Variants in OPCML observed in about 807,000 individuals in gnomAD.
The protein encoded by OPCML is opioid binding protein/cell adhesion molecule like.
In OPCML, 13 loss-of-function variants were observed where a neutral mutation model predicts 37.8. The ratio of observed to expected loss-of-function variants is 0.34; its 90% CI spans 0.22 to 0.55. The LOEUF is 0.55. OPCML is among the 20% of genes least tolerant of loss of function. The pLI, the probability that OPCML is intolerant of heterozygous loss-of-function variation, is 0.91. For missense variants in OPCML, 341 were observed against 435.6 expected (o/e 0.78, Z 1.93); for synonymous variants, 176 against 168.8 (o/e 1.04, Z -0.33).
At chr11:133,275,178 T>G (rs1941957576) in intron 1 of OPCML, among the ~76,000 whole-genome samples, 1 of 152,122 alleles carries the variant, frequency 6.6e-6, no homozygotes, top group Non-Finnish European at 1.5e-5. Context: ...CCTACCTGGG[T>G]TGAGCCAACT....
rs1014466945 is a variant in OPCML, at chr11:133,234,167, C to T, written c.62-291157G>A. 2.6e-5 allele frequency among the ~76,000 whole-genome samples: 4 copies of T among 152,106 alleles called. No homozygotes were observed. In the South Asian group the frequency reaches 6.2e-4, roughly 24 times the overall value. The stretch of plus-strand genomic sequence containing the variant: ...CCATATTGATGGAAACTTATAATTG[C>T]TTCCCAAATCCTACTCTTCCAGATC... On this transcript the variant is annotated intron_variant, in intron 1 of 7. Transcript: ENST00000524381.
At chr11:132,983,490 C>T (rs1946630669) in intron 1 of OPCML, among the ~76,000 whole-genome samples, 1 of 152,222 alleles carries the variant, frequency 6.6e-6, no homozygotes. Flanking sequence ...GAGTGACCAC[C>T]CAGAGCACTG....
chr11:132,670,602 A>G (rs1942431063), intron 2 of OPCML, among the ~76,000 whole-genome samples: 1 of 152,222 alleles, frequency 6.6e-6, no homozygotes, highest in African/African-American at 2.4e-5. Flanking sequence ...AATAAGAAGT[A>G]TATAAGTTCC....
chr11:132,897,664 C>G (rs1456598122), intron 2 of OPCML, among the ~76,000 whole-genome samples: 1 of 152,172 alleles, frequency 6.6e-6, no homozygotes, highest in Admixed American at 6.5e-5. Context: ...CAGCCCCTTT[C>G]TGGAAGATCC....
intron 2 of OPCML, among the ~76,000 whole-genome samples, chr11:132,907,276 T>C (rs781219339): frequency 1.1e-4 from 17 of 152,064 alleles, no homozygotes; most frequent in Non-Finnish European, 2.4e-4. Flanking sequence ...TCCATGGGGG[T>C]TCATGCCTGT....
At chr11:132,466,415 C>A (rs1304807499) in intron 4 of OPCML, among the ~76,000 whole-genome samples, 1 of 150,032 alleles carries the variant, frequency 6.7e-6, no homozygotes, top group Non-Finnish European at 1.5e-5. Context: ...ACCCGCGAGG[C>A]GGAGCTTGCA....
At chr11:133,320,121 T>G (rs1463695736) in intron 1 of OPCML, among the ~76,000 whole-genome samples, 1 of 152,214 alleles carries the variant, frequency 6.6e-6, no homozygotes, top group Admixed American at 6.5e-5. Context: ...TTATTTTAGA[T>G]GTCTTTGAAA....
chr11:133,165,627 T>C (rs1187991177), intron 1 of OPCML, among the ~76,000 whole-genome samples: 2 of 152,126 alleles, frequency 1.3e-5, no homozygotes, highest in Non-Finnish European at 1.5e-5. Flanking sequence ...AACATAATGG[T>C]CTTTTCCCCG....
intron 1 of OPCML, among the ~76,000 whole-genome samples, chr11:133,015,232 GAC>G (rs1278223171): frequency 6.6e-6 from 1 of 151,846 alleles, no homozygotes; most frequent in Non-Finnish European, 1.5e-5. Context: ...AAAGAGGGAG[GAC>G]ACACACTAGT....
chr11:132,786,665 G>A (rs11223206), intron 2 of OPCML, among the ~76,000 whole-genome samples: 34,908 of 152,036 alleles, frequency 0.23, 4,678 homozygotes, highest in Non-Finnish European at 0.32. Context: ...GATTGCTATA[G>A]TTTGTGGACT....
chr11:132,998,764 C>T (rs1229228841), intron 1 of OPCML, among the ~76,000 whole-genome samples: 1 of 152,120 alleles, frequency 6.6e-6, no homozygotes, highest in South Asian at 2.1e-4. Context: ...AAATGAGACA[C>T]CTCACCCTAT....
intron 1 of OPCML, among the ~76,000 whole-genome samples, chr11:133,293,571 G>C (rs889298617): frequency 6.6e-6 from 1 of 152,098 alleles, no homozygotes; most frequent in African/African-American, 2.4e-5. Context: ...AGCCCTGCAC[G>C]TGCCACGGAG....
chr11:132,937,368 G>T (rs191488590), intron 2 of OPCML, among the ~76,000 whole-genome samples: 1 of 152,276 alleles, frequency 6.6e-6, no homozygotes, highest in Admixed American at 6.5e-5. Context: ...ATTACCCAAA[G>T]GGCTTAGATA....
chr11:133,441,471 A>G (rs1204520445), intron 1 of OPCML, among the ~76,000 whole-genome samples: 1 of 152,230 alleles, frequency 6.6e-6, no homozygotes, highest in Non-Finnish European at 1.5e-5. Flanking sequence ...TATACTATTT[A>G]TATGACTGTT....
At chr11:132,685,487 T>C (rs558782130) in intron 2 of OPCML, among the ~76,000 whole-genome samples, 1 of 152,196 alleles carries the variant, frequency 6.6e-6, no homozygotes, top group Non-Finnish European at 1.5e-5. Context: ...CACCACTTCC[T>C]GTGGGGCAAG....
At chr11:133,033,004 C>G (rs1458432181) in intron 1 of OPCML, among the ~76,000 whole-genome samples, 1 of 151,976 alleles carries the variant, frequency 6.6e-6, no homozygotes, top group Non-Finnish European at 1.5e-5. Flanking sequence ...TGTCTTTCTC[C>G]CAGTCCAGAA....
chr11:133,418,255 G>A (rs1357527838), intron 1 of OPCML: 1 of 985,244 alleles, frequency 1.0e-6, no homozygotes, highest in Non-Finnish European at 1.2e-6. Context: ...CCAAGTACAA[G>A]GTCAACACCA....
chr11:133,048,785 T>G (rs1335541531), intron 1 of OPCML, among the ~76,000 whole-genome samples: 1 of 152,222 alleles, frequency 6.6e-6, no homozygotes, highest in Non-Finnish European at 1.5e-5. Flanking sequence ...CTCTGTCTTC[T>G]CCTGAATTAC....
intron 1 of OPCML, among the ~76,000 whole-genome samples, chr11:133,151,084 C>T (rs1450581396): frequency 1.3e-5 from 2 of 151,478 alleles, no homozygotes; most frequent in East Asian, 3.9e-4. Context: ...ACCAGCCTGA[C>T]CAACGTGGTG....
Sources: gnomAD v4.1 joint callset for allele counts (sites outside exome capture counted in the v4.1 genomes callset) on GRCh38, gnomAD v4.1.1 for gene constraint, MANE v1.5 for transcripts, NCBI Gene and HGNC (gene_info 2026-07-23, HGNC 2026-07-21) for gene names.